Variants in KLHL32 observed in about 807,000 individuals in gnomAD.
The protein encoded by KLHL32 is kelch like family member 32.
KLHL32 carries 35 observed loss-of-function variants against 64.8 expected under a neutral mutation model. The observed-to-expected ratio is 0.54, with a 90% CI of 0.41 to 0.72. The LOEUF is 0.72. KLHL32 is among the 30% of genes least tolerant of loss of function. KLHL32 has a pLI of 0.00. For synonymous variants in KLHL32, 259 were observed against 281.0 expected, an observed-to-expected ratio of 0.92 and a Z score of 0.78; for missense variants, 589 against 768.5, an observed-to-expected ratio of 0.77 and a Z score of 2.76.
chr6:97,030,709 G>A (rs984758411), intron 3 of KLHL32, among the ~76,000 whole-genome samples: 2 of 152,118 alleles, frequency 1.3e-5, no homozygotes, highest in African/African-American at 4.8e-5. Context: ...TAAATGTCTA[G>A]CTTTGAACTC....
intron 1 of KLHL32, among the ~76,000 whole-genome samples, chr6:96,960,780 G>A (rs1773800013): frequency 6.6e-6 from 1 of 152,200 alleles, no homozygotes; most frequent in Non-Finnish European, 1.5e-5. Context: ...CATTGGTTTG[G>A]TCCAGAAGGG....
At chr6:97,082,006 A>G (rs1173758061) in intron 5 of KLHL32, among the ~76,000 whole-genome samples, 1 of 152,228 alleles carries the variant, frequency 6.6e-6, no homozygotes, top group Non-Finnish European at 1.5e-5. Context: ...CTTTTTCCCC[A>G]AAGCAAATAA....
chr6:96,998,817 C>A (rs1266763171), intron 3 of KLHL32, among the ~76,000 whole-genome samples: 2 of 152,128 alleles, frequency 1.3e-5, no homozygotes, highest in Non-Finnish European at 2.9e-5. Context: ...CACAGAGGCA[C>A]CAGAGTATCA....
chr6:97,005,961 T>A (rs1005849363), intron 3 of KLHL32, among the ~76,000 whole-genome samples: 9 of 152,310 alleles, frequency 5.9e-5, no homozygotes, highest in African/African-American at 2.2e-4. Context: ...GTATAGTATG[T>A]ACAGAAGAGA....
At chr6:97,099,474 G>C (rs1795413775) in intron 6 of KLHL32, among the ~76,000 whole-genome samples, 1 of 148,858 alleles carries the variant, frequency 6.7e-6, no homozygotes, top group Non-Finnish European at 1.5e-5. Flanking sequence ...CGACATTGAT[G>C]GTTCTCAGTG....
intron 5 of KLHL32, among the ~76,000 whole-genome samples, chr6:97,075,888 CT>C (rs1791523786): frequency 6.6e-6 from 1 of 152,190 alleles, no homozygotes; most frequent in Non-Finnish European, 1.5e-5. Flanking sequence ...TCATTAAAAG[CT>C]TTTATACCCA....
intron 1 of KLHL32, among the ~76,000 whole-genome samples, chr6:96,935,765 A>G (rs1582393226): frequency 6.6e-6 from 1 of 152,250 alleles, no homozygotes. Context: ...AACAAAATAT[A>G]TGTAAATTTA....
At chr6:97,116,731 C>T (rs545538905) in intron 7 of KLHL32, among the ~76,000 whole-genome samples, 10 of 152,272 alleles carry the variant, frequency 6.6e-5, no homozygotes, top group Non-Finnish European at 1.0e-4. Context: ...TCGCTAGATC[C>T]GTCGTCCTGG....
intron 3 of KLHL32, among the ~76,000 whole-genome samples, chr6:97,039,846 A>C (rs201058077): frequency 2.6e-4 from 28 of 108,898 alleles, no homozygotes; most frequent in Admixed American, 5.0e-4. Context: ...AACAAACAAA[A>C]AACAAAGAAA....
At chr6:96,923,942 GCACTTGAGTGTGC>G (rs1768853292), upstream of KLHL32, among the ~76,000 whole-genome samples, 1 of 152,186 alleles carries the variant, frequency 6.6e-6, no homozygotes, top group Non-Finnish European at 1.5e-5. Context: ...CTCGGAAGTG[GCACTTGAGTGTGC>G]CAGGCCCTGG....
intron 3 of KLHL32, among the ~76,000 whole-genome samples, chr6:97,029,235 T>C (rs538311864): frequency 6.6e-6 from 1 of 152,318 alleles, no homozygotes; most frequent in Admixed American, 6.5e-5. Flanking sequence ...ACCATAATGA[T>C]GCTTGTTTTG....
At chr6:97,066,479 A>AGTGTAGCATGCATACATGCTT (rs1351123475) in intron 5 of KLHL32, among the ~76,000 whole-genome samples, 1 of 152,232 alleles carries the variant, frequency 6.6e-6, no homozygotes, top group Non-Finnish European at 1.5e-5. Context: ...CTGAGGTAAA[A>AGTGTAGCATGCATACATGCTT]GTGTAGCATG....
intron 3 of KLHL32, among the ~76,000 whole-genome samples, chr6:97,001,695 G>T (rs1046132503): frequency 2.0e-5 from 3 of 152,108 alleles, no homozygotes; most frequent in Non-Finnish European, 4.4e-5. Flanking sequence ...GAACTATTAG[G>T]TTGTAAAAAC....
At chr6:97,067,255 G>A (rs1789935566) in intron 5 of KLHL32, among the ~76,000 whole-genome samples, 1 of 152,158 alleles carries the variant, frequency 6.6e-6, no homozygotes, top group Admixed American at 6.5e-5. Context: ...GGCACTGTGT[G>A]GGCTCCTTTC....
At chr6:96,973,024 G>C (rs1208805080) in intron 2 of KLHL32, among the ~76,000 whole-genome samples, 1 of 152,156 alleles carries the variant, frequency 6.6e-6, no homozygotes, top group African/African-American at 2.4e-5. Flanking sequence ...TTGATTAAGA[G>C]GCCTTTATTT....
chr6:96,982,018 T>C (rs1776374437), intron 3 of KLHL32, among the ~76,000 whole-genome samples: 1 of 152,142 alleles, frequency 6.6e-6, no homozygotes, highest in African/African-American at 2.4e-5. Flanking sequence ...GATAAAAATA[T>C]ATATTCTGTT....
At chr6:97,137,445 A>G (rs1472780059) in intron 10 of KLHL32, among the ~76,000 whole-genome samples, 1 of 152,200 alleles carries the variant, frequency 6.6e-6, no homozygotes, top group African/African-American at 2.4e-5. Context: ...CTTTTATTCT[A>G]GGACTTCTTA....
chr6:97,117,547 A>G (rs1239962539), intron 7 of KLHL32, among the ~76,000 whole-genome samples: 2 of 152,364 alleles, frequency 1.3e-5, no homozygotes, highest in Non-Finnish European at 2.9e-5. Flanking sequence ...GCCGAAAGGA[A>G]TCCAGAAAAT....
At chr6:97,131,345 AGTTTAGGAGC>A (rs1248523588) in intron 9 of KLHL32, among the ~76,000 whole-genome samples, 1 of 152,062 alleles carries the variant, frequency 6.6e-6, no homozygotes, top group East Asian at 1.9e-4. Flanking sequence ...TGAGTTCAGG[AGTTTAGGAGC>A]ATGGTCTTCA....
Sources: gnomAD v4.1 joint callset for allele counts (sites outside exome capture counted in the v4.1 genomes callset) on GRCh38, gnomAD v4.1.1 for gene constraint, MANE v1.5 for transcripts, NCBI Gene and HGNC (gene_info 2026-07-23, HGNC 2026-07-21) for gene names.